Variants in NAV2 observed in about 807,000 individuals in gnomAD.
NAV2 encodes the protein helicase, APC down-regulated 1.
A neutral mutation model predicts 223.2 loss-of-function variants in NAV2; 54 were observed. The ratio of observed to expected loss-of-function variants is 0.24; its 90% confidence interval spans 0.19 to 0.30. NAV2 has a LOEUF of 0.30. Among genes scored for constraint, NAV2 ranks in the 10% least tolerant of loss-of-function variants. NAV2 has a pLI of 1.00. For missense variants in NAV2, 2,806 were observed against 3,147.5 expected, an observed-to-expected ratio of 0.89 and a Z score of 2.60; for synonymous variants, 1,279 against 1,239.3, an observed-to-expected ratio of 1.03 and a Z score of -0.67.
At chr11:19,479,517 G>C (rs1251353070) in intron 1 of NAV2, among the ~76,000 whole-genome samples, 1 of 152,180 alleles carries the variant, frequency 6.6e-6, no homozygotes, top group Non-Finnish European at 1.5e-5. Flanking sequence ...GAGGGCAAGT[G>C]CTATATGCCA....
chr11:19,890,266 C>T (rs952032010), intron 5 of NAV2, among the ~76,000 whole-genome samples: 1 of 152,190 alleles, frequency 6.6e-6, no homozygotes, highest in Non-Finnish European at 1.5e-5. Flanking sequence ...CTATCCATTA[C>T]ACCATGCTGC....
chr11:19,584,636 A>T (rs945860486), intron 1 of NAV2, among the ~76,000 whole-genome samples: 5 of 152,176 alleles, frequency 3.3e-5, no homozygotes, highest in African/African-American at 4.8e-5. Flanking sequence ...TTCGTTATGT[A>T]CCCAGTAGTC....
chr11:19,916,648 C>G lies in NAV2; in HGVS notation c.932-16528C>G, dbSNP rs535706156. On this transcript the variant is annotated intron_variant, in intron 6 of 37. Coordinates refer to ENST00000349880, the MANE Select transcript of NAV2 (RefSeq NM_145117.5). The stretch of plus-strand genomic sequence containing the variant: ...GAGATGAATGAAACAGAGCCCCAGG[C>G]TTTAAGGACTTGATATTCTGGAGCA... 2.5e-3 allele frequency among the ~76,000 whole-genome samples: 385 copies of G among 152,306 alleles called. 2 individuals carry two copies. The highest frequency in any genetic ancestry group is 9.1e-3 in the African/African-American group (379 of 41,570).
At chr11:19,839,298 G>A (rs2060393454) in intron 2 of NAV2, among the ~76,000 whole-genome samples, 2 of 152,144 alleles carry the variant, frequency 1.3e-5, no homozygotes, top group Non-Finnish European at 2.9e-5. Flanking sequence ...ACACAGGGAG[G>A]ATGCCAGAAG....
intron 11 of NAV2, among the ~76,000 whole-genome samples, chr11:19,985,370 C>T (rs1013491942): frequency 2.6e-5 from 4 of 152,124 alleles, no homozygotes; most frequent in Admixed American, 6.5e-5. Flanking sequence ...CAGTCTCTAC[C>T]ACTAACTTGA....
chr11:19,483,714 G>A (rs1265588766), intron 1 of NAV2, among the ~76,000 whole-genome samples: 2 of 152,142 alleles, frequency 1.3e-5, no homozygotes, highest in Non-Finnish European at 2.9e-5. Flanking sequence ...TAAGTTTTTT[G>A]GCAGATGACA....
chr11:20,085,950 T>C (rs1166105027), intron 26 of NAV2, among the ~76,000 whole-genome samples: 2 of 152,178 alleles, frequency 1.3e-5, no homozygotes, highest in Non-Finnish European at 2.9e-5. Context: ...TAGCAGCCTC[T>C]GCCACCCCAG....
At chr11:19,440,448 G>A (rs1257999518) in intron 1 of NAV2, among the ~76,000 whole-genome samples, 3 of 152,176 alleles carry the variant, frequency 2.0e-5, no homozygotes, top group African/African-American at 7.2e-5. Context: ...CAAGCTGCTG[G>A]GGTCGGTATG....
intron 1 of NAV2, among the ~76,000 whole-genome samples, chr11:19,582,601 AG>A (rs1386136345): frequency 6.6e-6 from 1 of 152,210 alleles, no homozygotes; most frequent in Non-Finnish European, 1.5e-5. Flanking sequence ...CAGTTTTCCC[AG>A]CACCATTTAT....
rs778633239 is a variant in NAV2, at chr11:19,948,645, G to A, written c.2256-46G>A. The stretch of plus-strand genomic sequence containing the variant: ...AATTAAAGAACATATAAACTGTGAA[G>A]GATACTAGGTACCTTTGAGTCTAAT... On this transcript the variant is annotated intron_variant, in intron 9 of 37. Coordinates refer to ENST00000349880, the MANE Select transcript of NAV2 (RefSeq NM_145117.5). 8.0e-6 allele frequency: 12 copies of A among 1,504,170 alleles called. No individual in the cohort carries two copies. The East Asian group carries it at 2.5e-4, about 32-fold the overall frequency. The allele number at this position is 1,504,170 out of a possible 1,614,324, so 93.2% of individuals were successfully genotyped here.
intron 12 of NAV2, among the ~76,000 whole-genome samples, chr11:20,037,162 A>C (rs2056454348): frequency 1.4e-5 from 2 of 146,940 alleles, no homozygotes. Context: ...ACCCCTCCCC[A>C]CCCCCCATCT....
At chr11:19,930,606 G>A (rs940285823) in intron 6 of NAV2, among the ~76,000 whole-genome samples, 3 of 152,074 alleles carry the variant, frequency 2.0e-5, no homozygotes, top group African/African-American at 7.2e-5. Flanking sequence ...CTCCATGAAG[G>A]CAGAGATTTC....
chr11:19,921,542 T>C (rs1162277266), intron 6 of NAV2, among the ~76,000 whole-genome samples: 1 of 152,254 alleles, frequency 6.6e-6, no homozygotes, highest in Non-Finnish European at 1.5e-5. Flanking sequence ...CAACAAACTT[T>C]GTTGTAAAGT....
chr11:19,952,575 T>C (rs1192846463), intron 10 of NAV2, among the ~76,000 whole-genome samples: 1 of 152,238 alleles, frequency 6.6e-6, no homozygotes, highest in Non-Finnish European at 1.5e-5. Flanking sequence ...ACAGAGGCTC[T>C]TTGAGGAAAG....
chr11:19,723,665 TG>T (rs1046509286), intron 1 of NAV2, among the ~76,000 whole-genome samples: 1 of 152,222 alleles, frequency 6.6e-6, no homozygotes, highest in African/African-American at 2.4e-5. Flanking sequence ...ATTTGGCCTT[TG>T]CCCACATCCT....
intron 11 of NAV2, among the ~76,000 whole-genome samples, chr11:20,000,269 G>T (rs764561336): frequency 6.6e-6 from 1 of 152,192 alleles, no homozygotes; most frequent in Non-Finnish European, 1.5e-5. Context: ...AAAATCCCCA[G>T]CAAAGGTCTT....
intron 1 of NAV2, among the ~76,000 whole-genome samples, chr11:19,818,231 A>ATTTTTTTTTT (rs34649376): frequency 7.1e-5 from 4 of 56,038 alleles, no homozygotes; most frequent in East Asian, 6.0e-4. Context: ...GTATTTAGTG[A>ATTTTTTTTTT]TTTTTTTTTT....
intron 1 of NAV2, among the ~76,000 whole-genome samples, chr11:19,736,599 G>T (rs1183860240): frequency 6.6e-6 from 1 of 152,204 alleles, no homozygotes; most frequent in Non-Finnish European, 1.5e-5. Context: ...CTGCCACAAT[G>T]CTCCTGCACT....
intron 1 of NAV2, among the ~76,000 whole-genome samples, chr11:19,745,225 G>A (rs553381529): frequency 1.3e-5 from 2 of 152,256 alleles, no homozygotes; most frequent in East Asian, 3.9e-4. Flanking sequence ...CGCCTGTCAT[G>A]GTGTCTGGAA....
Sources: allele counts gnomAD v4.1 joint callset (sites outside exome capture counted in the v4.1 genomes callset), GRCh38; gene constraint gnomAD v4.1.1; transcripts MANE v1.5; gene names NCBI Gene and HGNC (gene_info 2026-07-23, HGNC 2026-07-21).